The following MKNK2 variants were observed in gnomAD, a reference collection of about 807,000 sequenced individuals.
The protein encoded by MKNK2 is MAPK interacting serine/threonine kinase 2.
Under a neutral mutation model 55.0 loss-of-function variants are expected in MKNK2, and 54 were observed. The observed-to-expected ratio is 0.98, with a 90% CI of 0.79 to 1.23. MKNK2 has a LOEUF of 1.23. MKNK2 is among the 50% of genes most tolerant of loss of function. The pLI, the probability that MKNK2 is intolerant of heterozygous loss-of-function variation, is 0.00. For synonymous variants in MKNK2, 323 were observed against 256.0 expected (o/e 1.26, Z -2.50); for missense variants, 685 against 632.1 (o/e 1.08, Z -0.90).
At chr19:2,040,909 G>C (rs868563388) in intron 12 of MKNK2, 131 bp downstream of exon 12, 2 of 916,994 alleles carry the variant, frequency 2.2e-6, no homozygotes, top group Admixed American at 2.1e-5. Context: ...TCCCAGGGCA[G>C]AGCCTGTGCT....
In MKNK2 at chr19:2,046,166, A is replaced by T; in HGVS notation, c.339+20T>A. 6.2e-7 allele frequency: 1 copy of T among 1,605,254 alleles called. No homozygotes were observed. Among genetic ancestry groups the T allele is most frequent in the East Asian group, 2.2e-5 (1 of 44,862 alleles). ...CCGATCCCAAGGCGCTGGGTTCCCC[A>T]GGGCGCGGCGCGGGCCCACCTTGAC... is the stretch of plus-strand genomic sequence containing the variant. On this transcript the variant is annotated intron_variant, in intron 5 of 13. Transcript: ENST00000250896.
At chr19:2,048,127 T>C (rs555556526) in intron 2 of MKNK2, among the ~76,000 whole-genome samples, 1 of 152,200 alleles carries the variant, frequency 6.6e-6, no homozygotes, top group African/African-American at 2.4e-5. Flanking sequence ...CAGACACCCC[T>C]GGAGGGAGCC....
rs772507618 is a variant in MKNK2 at position 2,041,160 on chromosome 19, G to A, written c.990C>T (p.Pro330=). 9.9e-6 allele frequency: 16 copies of A among 1,613,834 alleles called. No individual in the cohort carries two copies. The highest frequency in any genetic ancestry group is 3.3e-5 in the South Asian group (3 of 91,088). Residue 330 remains proline (P), a synonymous_variant, in exon 12 of 14, where the codon CCC becomes CCT. Transcript: ENST00000250896. ...AGGAGATGTGGGCCCAGTCCTTGTCGGGGAACTCGTACTTGCCCTCCTGGA... is the reference window on the plus strand; with the variant it reads ...AGGAGATGTGGGCCCAGTCCTTGTCAGGGAACTCGTACTTGCCCTCCTGGA... ...ESIQEGKYEF[P]DKDWAHISCA...
rs559094668 is a variant in MKNK2, at chr19:2,037,756, C to G, written c.*1857G>C. Reference sequence around the variant, plus strand: ...CAGGATCTTCACTCATTCACAGTAACGGTTCTGACCAGTCCTCCAGGTCGC... The same window carrying G: ...CAGGATCTTCACTCATTCACAGTAAGGGTTCTGACCAGTCCTCCAGGTCGC... On this transcript the variant is annotated 3_prime_UTR_variant, in exon 14 of 14. Coordinates refer to ENST00000250896, the MANE Select transcript of MKNK2 (RefSeq NM_199054.3). The G allele has an allele frequency of 3.8e-6, 6 of 1,598,820 alleles. No homozygotes were observed. The highest frequency in any genetic ancestry group is 5.1e-6 in the Non-Finnish European group (6 of 1,170,990).
Position 2,040,118 on chromosome 19 carries a change from C to T in MKNK2, c.1154+16G>A. The T allele has an allele frequency of 6.3e-7, 1 of 1,585,454 alleles. No homozygotes were observed. Among genetic ancestry groups the T allele is most frequent in the Non-Finnish European group, 8.6e-7 (1 of 1,167,288 alleles). ...CCCCTGGACTCAGGGGTCCCGAGCA[C>T]CCCTGCGGGCCTTACCTCTGCAGGA... On this transcript the variant is annotated intron_variant, in intron 13 of 13. Coordinates refer to ENST00000250896, the MANE Select transcript of MKNK2 (RefSeq NM_199054.3).
chr19:2,039,559 C>G lies in MKNK2; in HGVS notation c.*54G>C, dbSNP rs1039043173. 164 of 1,556,388 alleles carry G rather than the reference C, an allele frequency of 1.1e-4. No individual in the cohort carries two copies. The highest frequency in any genetic ancestry group is 1.3e-4 in the Non-Finnish European group (148 of 1,148,510). On this transcript the variant is annotated 3_prime_UTR_variant, in exon 14 of 14. Transcript: ENST00000250896. Reference sequence around the variant, plus strand: ...ACCGGCTGGCGATAGCTTAAAAAACCTTTAGATTTGATTGGGGGACGGGTG... The same window carrying G: ...ACCGGCTGGCGATAGCTTAAAAAACGTTTAGATTTGATTGGGGGACGGGTG...
chr19:2,050,232 C>T (rs1219185406), intron 2 of MKNK2, among the ~76,000 whole-genome samples: 4 of 152,212 alleles, frequency 2.6e-5, no homozygotes, highest in East Asian at 1.9e-4. Flanking sequence ...GGGGTGTCTG[C>T]GAAGTGCAGG....
At chr19:2,043,292 T>G in intron 6 of MKNK2, 95 bp from the exon 7 acceptor site, 1 of 1,134,700 alleles carries the variant, frequency 8.8e-7, no homozygotes, top group Non-Finnish European at 1.3e-6. Context: ...CTCTTGGTGC[T>G]GGCCTGTCCA....
rs1286710905 is a variant in MKNK2, at chr19:2,041,753, G to A, written c.945+87C>T. The A allele has an allele frequency of 4.7e-5, 55 of 1,172,112 alleles. 1 individual carries two copies. The highest frequency in any genetic ancestry group is 9.6e-5 in the South Asian group (6 of 62,548). The allele number at this position is 1,172,112 out of a possible 1,614,324, so 72.6% of individuals were successfully genotyped here. A position where few individuals can be genotyped will look rare whatever the true frequency, so the allele number is the denominator to read the frequency against. On this transcript the variant is annotated intron_variant, in intron 11 of 13. Coordinates refer to ENST00000250896, the MANE Select transcript of MKNK2 (RefSeq NM_199054.3). ...GTCCCCTGGACTTAGAGGGTGCGCAGGGCAGGTCCCCTGGGGTTAGGGGGT... is the reference window on the plus strand; with the variant it reads ...GTCCCCTGGACTTAGAGGGTGCGCAAGGCAGGTCCCCTGGGGTTAGGGGGT...
At chr19:2,044,008 A>G (rs945113898) in intron 5 of MKNK2, among the ~76,000 whole-genome samples, 7 of 140,966 alleles carry the variant, frequency 5.0e-5, no homozygotes, top group African/African-American at 1.6e-4. Flanking sequence ...AAAAAAAGCC[A>G]GTGGAGGCTG....
Position 2,042,451 on chromosome 19 carries a change from GAT to G in MKNK2, c.724_725del (p.Ile242LeufsTer28), listed in dbSNP as rs1474491889. ...CCGGAGTGAGCAGCTCCGGGGTGGAGATAGGGGAGCAGTCCCCGTTGAGTTTG... is the reference window on the plus strand; with the variant it reads ...CCGGAGTGAGCAGCTCCGGGGTGGAGAGGGGAGCAGTCCCCGTTGAGTTTG... ...GIKLNGDCSP[I>X]STPELLTPCG... On this transcript the variant is annotated frameshift_variant, in exon 10 of 14. Coordinates refer to ENST00000250896, the MANE Select transcript of MKNK2 (RefSeq NM_199054.3). LOFTEE classifies it high-confidence loss of function. 1 of 1,588,050 alleles carries G rather than the reference GAT, an allele frequency of 6.3e-7. No homozygotes were observed. The highest frequency in any genetic ancestry group is 8.6e-7 in the Non-Finnish European group (1 of 1,168,882).
chr19:2,049,002 C>T (rs377423182), intron 2 of MKNK2, among the ~76,000 whole-genome samples: 2 of 152,186 alleles, frequency 1.3e-5, no homozygotes, highest in African/African-American at 2.4e-5. Flanking sequence ...GCCCCCAACT[C>T]GTGGGAGCTC....
intron 7 of MKNK2, 123 bp from the exon 8 acceptor site, chr19:2,042,993 G>A: frequency 7.7e-7 from 1 of 1,306,358 alleles, no homozygotes; most frequent in Non-Finnish European, 1.1e-6. Context: ...CCAGCACAAA[G>A]GCCTCACCCC....
rs2016820258 is a variant in MKNK2, at chr19:2,039,251, G to T, written c.*362C>A. On this transcript the variant is annotated 3_prime_UTR_variant, in exon 14 of 14. Transcript: ENST00000250896. ...TGTGGGCCTGCTCTCCTGAGTCACT[G>T]CAAGCCACGTGGGCAGATGGCGGGC... 1 of 1,118,366 alleles carries T rather than the reference G, an allele frequency of 8.9e-7. No individual in the cohort carries two copies. The highest frequency in any genetic ancestry group is 4.9e-5 in the East Asian group (1 of 20,596). The allele number at this position is 1,118,366 out of a possible 1,614,324, so 69.3% of individuals were successfully genotyped here.
At position 2,038,541 on chromosome 19, in the gene MKNK2, G is replaced by A. The variant is rs1447612542; in HGVS notation, c.*1072C>T. On this transcript the variant is annotated 3_prime_UTR_variant, in exon 14 of 14. Coordinates refer to ENST00000250896, the MANE Select transcript of MKNK2 (RefSeq NM_199054.3). ...CCGAAGGGAGGCCGAGGCCGCAGCC[G>A]TTTTCCTGAAGGTGGCAGACCAAAA... The A allele has an allele frequency of 1.2e-5, 12 of 985,626 alleles. No individual in the cohort carries two copies. Among genetic ancestry groups the A allele is most frequent in the African/African-American group, 1.0e-4 (6 of 57,204 alleles). The allele number at this position is 985,626 out of a possible 1,614,324, so 61.1% of individuals were successfully genotyped here.
chr19:2,043,203 G>T lies in MKNK2; in HGVS notation c.420-6C>A. The T allele has an allele frequency of 6.2e-7, 1 of 1,606,498 alleles. No individual in the cohort carries two copies. The highest frequency in any genetic ancestry group is 8.5e-7 in the Non-Finnish European group (1 of 1,173,514). On this transcript the variant is annotated splice_polypyrimidine_tract_variant and splice_region_variant and intron_variant, in intron 6 of 13. Coordinates refer to ENST00000250896, the MANE Select transcript of MKNK2 (RefSeq NM_199054.3). ...CAATCAGCTCTAGGACGTTCCTGGG[G>T]TGGGGGTGGGGGCAGGAGAGGAGCT...
chr19:2,040,703 G>A (rs930349335), intron 12 of MKNK2: 12 of 380,334 alleles, frequency 3.2e-5, no homozygotes, highest in Non-Finnish European at 4.8e-5. Context: ...CACAGCCTGG[G>A]CTTGAGACTG....
At position 2,039,825 on chromosome 19, in the gene MKNK2, C is replaced by G. The variant is rs1242314047; in HGVS notation, c.1186G>C (p.Ala396Pro). Residue 396 changes from alanine (A) to proline (P), a missense_variant, in exon 14 of 14, where the codon GCG (alanine) becomes CCG (proline). Coordinates refer to ENST00000250896, the MANE Select transcript of MKNK2 (RefSeq NM_199054.3). ...CGGTTCATGGCAATGGCCTCAGCCGCGAAGGACGTGAGGTCTTTGGCACAG... is the reference window on the plus strand; with the variant it reads ...CGGTTCATGGCAATGGCCTCAGCCGGGAAGGACGTGAGGTCTTTGGCACAG... ...NSCAKDLTSF[A>P]AEAIAMNRQL... 2.5e-6 allele frequency: 4 copies of G among 1,601,956 alleles called. No individual in the cohort carries two copies. Among genetic ancestry groups the G allele is most frequent in the Non-Finnish European group, 3.4e-6 (4 of 1,177,788 alleles).
chr19:2,042,010 G>A lies in MKNK2; in HGVS notation c.775C>T (p.Pro259Ser). Residue 259 changes from proline to serine, a missense_variant, in exon 11 of 14, where the codon CCG becomes TCG. Pro to Ser is a moderately conservative substitution (Grantham distance 74). Transcript: ENST00000250896. ...TPCGSAEYMA[P>S]EVVEAFSEEA... is the part of the protein sequence containing the mutation. ...TCGCTGAAGGCCTCCACTACCTCCG[G>A]GGCCATGTACTCCGCCGAGCCGCAC... 1.9e-6 allele frequency: 3 copies of A among 1,542,592 alleles called. No homozygotes were observed. Among genetic ancestry groups the A allele is most frequent in the South Asian group, 1.2e-5 (1 of 83,310 alleles).
Sources: allele counts gnomAD v4.1 joint callset (sites outside exome capture counted in the v4.1 genomes callset), GRCh38; gene constraint gnomAD v4.1.1; transcripts MANE v1.5; gene names NCBI Gene and HGNC (gene_info 2026-07-23, HGNC 2026-07-21).